The following SLC38A1 variants were observed in gnomAD, a reference collection of about 807,000 sequenced individuals.
SLC38A1 encodes sodium-coupled neutral amino acid symporter 1.
In SLC38A1, 18 loss-of-function variants were observed where a neutral mutation model predicts 60.3. The observed-to-expected ratio is 0.30, with a 90% CI of 0.21 to 0.44. The LOEUF is 0.44. Ranked by LOEUF, SLC38A1 falls within the 20% of genes least tolerant of loss-of-function variation. The pLI is 1.00. For synonymous variants in SLC38A1, 196 were observed against 212.1 expected (o/e 0.92, Z 0.66); for missense variants, 448 against 587.2 (o/e 0.76, Z 2.45).
chr12:46,211,774 G>A lies in SLC38A1; in HGVS notation c.315-2647C>T, dbSNP rs190516439. On this transcript the variant is annotated intron_variant, in intron 5 of 16. Coordinates refer to ENST00000398637, the MANE Select transcript of SLC38A1 (RefSeq NM_030674.4). ...CAACCCCCTCCCATGTTTAAGAGAC[G>A]TAACATTGCACCCCAGAGTACTTAG... Among the ~76,000 whole-genome samples, 67 of 152,326 alleles carry A rather than the reference G, an allele frequency of 4.4e-4. 1 individual carries two copies. Among genetic ancestry groups the A allele is most frequent in the African/African-American group, 1.4e-3 (60 of 41,564 alleles).
intron 6 of SLC38A1, among the ~76,000 whole-genome samples, chr12:46,208,071 A>T (rs1450789903): frequency 6.6e-6 from 1 of 152,224 alleles, no homozygotes; most frequent in East Asian, 1.9e-4. Context: ...TCTTAATAAC[A>T]TCCCATCAAT....
rs748447530 is a variant in SLC38A1 at position 46,206,180 on chromosome 12, G to C, written c.564-18C>G. ...ACCAGGCTCTGAAAGGCATTTAAGT[G>C]ATTAGGTTATATTTTTTTAGAAAGT... On this transcript the variant is annotated intron_variant, in intron 8 of 16. Coordinates refer to ENST00000398637, the MANE Select transcript of SLC38A1 (RefSeq NM_030674.4). 4 of 1,532,722 alleles carry C rather than the reference G, an allele frequency of 2.6e-6. No individual in the cohort carries two copies. The highest frequency in any genetic ancestry group is 2.3e-5 in the East Asian group (1 of 43,390). 94.9% of individuals were successfully genotyped at this position (1,532,722 alleles called of 1,614,324 possible).
intron 3 of SLC38A1, among the ~76,000 whole-genome samples, chr12:46,230,793 C>T (rs527241701): frequency 6.6e-6 from 1 of 152,146 alleles, no homozygotes; most frequent in South Asian, 2.1e-4. Flanking sequence ...AAGAAAACTC[C>T]AACAGCAGAT....
chr12:46,210,869 T>A (rs2137312477), intron 5 of SLC38A1, among the ~76,000 whole-genome samples: 1 of 152,294 alleles, frequency 6.6e-6, no homozygotes, highest in East Asian at 1.9e-4. Context: ...CTCAGGAATG[T>A]CTTTATCAGG....
At chr12:46,207,120 T>C (rs1939941711) in intron 8 of SLC38A1, 35 bp downstream of exon 8, 1 of 1,394,534 alleles carries the variant, frequency 7.2e-7, no homozygotes, top group Non-Finnish European at 9.9e-7. Flanking sequence ...TAAAAACATT[T>C]TAGTTATATC....
chr12:46,204,521 T>A lies in SLC38A1; in HGVS notation c.705+11A>T, dbSNP rs1166780546. ...CACAAAACCAAACCAACCATTGCAATCAGCACTTACCACAATTAGGAAAAA... is the reference window on the plus strand; with the variant it reads ...CACAAAACCAAACCAACCATTGCAAACAGCACTTACCACAATTAGGAAAAA... On this transcript the variant is annotated intron_variant, in intron 10 of 16. Transcript: ENST00000398637. The A allele has an allele frequency of 2.5e-6, 4 of 1,612,586 alleles. No individual in the cohort carries two copies. The highest frequency in any genetic ancestry group is 3.4e-6 in the Non-Finnish European group (4 of 1,179,272).
intron 13 of SLC38A1, among the ~76,000 whole-genome samples, chr12:46,199,172 ACT>A (rs1565752706): frequency 6.6e-6 from 1 of 151,880 alleles, no homozygotes; most frequent in Non-Finnish European, 1.5e-5. Context: ...CTTGTTTCAA[ACT>A]CTTCTCTTGT....
chr12:46,204,361 T>C lies in SLC38A1; in HGVS notation c.762A>G (p.Ile254Met). 6.2e-7 allele frequency: 1 copy of C among 1,613,832 alleles called. No homozygotes were observed. The highest frequency in any genetic ancestry group is 8.5e-7 in the Non-Finnish European group (1 of 1,179,810). The change falls in exon 11 of 17, where the codon ATA (isoleucine) becomes ATG (methionine). Residue 254 changes from isoleucine (I) to methionine (M), a missense_variant. Physicochemically the swap from Ile to Met is conservative, Grantham distance 10 (BLOSUM62 1). Coordinates refer to ENST00000398637, the MANE Select transcript of SLC38A1 (RefSeq NM_030674.4). ...PCIVPELNST[I>M]SANSTNADTC... ...TGTCAGCATTTGTTGAATTAGCACT[T>C]ATTGTTGAATTTAGCTCTGGAACAA...
chr12:46,237,618 T>C (rs1466334017), intron 3 of SLC38A1, among the ~76,000 whole-genome samples: 1 of 151,860 alleles, frequency 6.6e-6, no homozygotes, highest in Non-Finnish European at 1.5e-5. Flanking sequence ...CCAGGCAAGG[T>C]GCCTAAGTTG....
chr12:46,239,817 T>C lies in SLC38A1; in HGVS notation c.-17A>G, dbSNP rs779143271. 1 of 1,611,590 alleles carries C rather than the reference T, an allele frequency of 6.2e-7. No individual in the cohort carries two copies. Among genetic ancestry groups the C allele is most frequent in the South Asian group, 1.1e-5 (1 of 91,002 alleles). On this transcript the variant is annotated 5_prime_UTR_variant, in exon 3 of 17. Transcript: ENST00000398637. ...ATGCATCATGATTAGAAAGTGTCTG[T>C]AGTTTGAAAATTAGTCCAAATTTCT... is the stretch of plus-strand genomic sequence containing the variant.
chr12:46,241,095 A>T (rs572906755), intron 2 of SLC38A1, among the ~76,000 whole-genome samples: 1 of 152,272 alleles, frequency 6.6e-6, no homozygotes, highest in East Asian at 1.9e-4. Context: ...CCTCACCGTG[A>T]TACTCTCAGC....
intron 16 of SLC38A1, among the ~76,000 whole-genome samples, chr12:46,191,400 TG>T (rs1939140034): frequency 1.3e-5 from 2 of 152,226 alleles, no homozygotes; most frequent in Non-Finnish European, 2.9e-5. Context: ...TGCATAGGAT[TG>T]TCTTGACTAT....
At chr12:46,262,586 T>C (rs1488777356) in intron 1 of SLC38A1, among the ~76,000 whole-genome samples, 1 of 152,236 alleles carries the variant, frequency 6.6e-6, no homozygotes, top group Non-Finnish European at 1.5e-5. Flanking sequence ...TGTTTTTTGT[T>C]CTAAAGATAT....
intron 16 of SLC38A1, chr12:46,197,440 G>A (rs1939432498): frequency 7.9e-6 from 2 of 251,754 alleles, no homozygotes; most frequent in Non-Finnish European, 1.5e-5. Context: ...CCGGGAGGCG[G>A]AGCTTACAGT....
intron 3 of SLC38A1, among the ~76,000 whole-genome samples, chr12:46,233,100 C>T (rs1257845852): frequency 6.6e-6 from 1 of 152,114 alleles, no homozygotes; most frequent in Non-Finnish European, 1.5e-5. Context: ...CTCACTGTAA[C>T]CTGGAGCTCC....
Position 46,188,126 on chromosome 12 carries a change from A to G in SLC38A1, c.*844T>C, listed in dbSNP as rs530676845. The G allele has an allele frequency of 9.2e-5, 14 of 152,316 alleles. No homozygotes were observed. The highest frequency in any genetic ancestry group is 2.9e-4 in the African/African-American group (12 of 41,578). 9.4% of individuals were successfully genotyped at this position (152,316 alleles called of 1,614,324 possible). Reference sequence around the variant, plus strand: ...GAGTATTTTCTTAGGCATTTTGGACAATCTTTTTGCAGTAGGTTCCATAGG... The same window carrying G: ...GAGTATTTTCTTAGGCATTTTGGACGATCTTTTTGCAGTAGGTTCCATAGG... On this transcript the variant is annotated 3_prime_UTR_variant, in exon 17 of 17. Coordinates refer to ENST00000398637, the MANE Select transcript of SLC38A1 (RefSeq NM_030674.4).
At chr12:46,266,701 A>G (rs1308359874) in intron 1 of SLC38A1, among the ~76,000 whole-genome samples, 1 of 152,182 alleles carries the variant, frequency 6.6e-6, no homozygotes, top group African/African-American at 2.4e-5. Flanking sequence ...GCTTCATAGA[A>G]GGTGAAACAA....
chr12:46,194,911 C>G (rs959773255), intron 16 of SLC38A1, among the ~76,000 whole-genome samples: 3 of 151,752 alleles, frequency 2.0e-5, no homozygotes, highest in Non-Finnish European at 4.4e-5. Context: ...TTTGTTATTA[C>G]CAACCTTCTG....
chr12:46,219,104 C>A (rs945364713), intron 5 of SLC38A1, among the ~76,000 whole-genome samples: 2 of 152,196 alleles, frequency 1.3e-5, no homozygotes, highest in Non-Finnish European at 2.9e-5. Flanking sequence ...CAAAGGCAGA[C>A]TGGACCCCAG....
Sources: allele counts gnomAD v4.1 joint callset (sites outside exome capture counted in the v4.1 genomes callset), GRCh38; gene constraint gnomAD v4.1.1; transcripts MANE v1.5; gene names NCBI Gene and HGNC (gene_info 2026-07-23, HGNC 2026-07-21).